CAMK2D: variants seen among roughly 807,000 people sequenced by gnomAD.
The protein encoded by CAMK2D is calcium/calmodulin-dependent protein kinase type II subunit delta.
CAMK2D carries 37 observed loss-of-function variants against 84.0 expected under a neutral mutation model. That is an observed-to-expected ratio of 0.44 (90% CI 0.34 to 0.58). CAMK2D has a LOEUF of 0.58. Ranked by LOEUF, CAMK2D falls within the 20% of genes least tolerant of loss-of-function variation. The pLI is 0.02. For missense variants in CAMK2D, 448 were observed against 652.5 expected (o/e 0.69, Z 3.41); for synonymous variants, 202 against 212.5 (o/e 0.95, Z 0.43).
chr4:113,539,815 T>C (rs1481205453), intron 6 of CAMK2D, among the ~76,000 whole-genome samples: 1 of 152,142 alleles, frequency 6.6e-6, no homozygotes, highest in African/African-American at 2.4e-5. Context: ...TATGTATATC[T>C]TTAGGCAAAC....
At chr4:113,463,343 A>G (rs1421070087) in intron 17 of CAMK2D, among the ~76,000 whole-genome samples, 1 of 152,108 alleles carries the variant, frequency 6.6e-6, no homozygotes, top group Non-Finnish European at 1.5e-5. Context: ...CTAATTTGGC[A>G]TGTTTCATTC....
At chr4:113,623,528 C>A (rs146772054) in intron 3 of CAMK2D, among the ~76,000 whole-genome samples, 9 of 152,184 alleles carry the variant, frequency 5.9e-5, no homozygotes, top group East Asian at 1.9e-4. Context: ...GATGGTATAG[C>A]CTACTACACA....
Position 113,566,998 on chromosome 4 carries a change from C to T in CAMK2D, c.276-14902G>A, listed in dbSNP as rs543826853. ...ATTCCAGGACTTGGCAGAGTATATG[C>T]ATATAGCAGGCATGCAATAAACGTC... On this transcript the variant is annotated intron_variant, in intron 4 of 20. Coordinates refer to ENST00000511664, the MANE Select transcript of CAMK2D (RefSeq NM_001321571.2). 7.2e-5 allele frequency among the ~76,000 whole-genome samples: 11 copies of T among 152,028 alleles called. 1 individual carries two copies. The East Asian group carries it at 1.9e-3, about 27-fold the overall frequency.
At chr4:113,565,175 A>G (rs2098716467) in intron 4 of CAMK2D, among the ~76,000 whole-genome samples, 1 of 152,182 alleles carries the variant, frequency 6.6e-6, no homozygotes, top group South Asian at 2.1e-4. Flanking sequence ...CCAGCACCAC[A>G]GTGTATTGGT....
At chr4:113,502,828 T>C (rs2098073762) in intron 15 of CAMK2D, 108 bp downstream of exon 15, 1 of 777,444 alleles carries the variant, frequency 1.3e-6, no homozygotes, top group African/African-American at 1.7e-5. Context: ...TGGTAGAAAA[T>C]GGTTAGAATT....
rs146084256 is a variant in CAMK2D at position 113,505,984 on chromosome 4, TCAAA to T, written c.985-953_985-950del. 1.4e-4 allele frequency among the ~76,000 whole-genome samples: 21 copies of T among 152,290 alleles called. No individual in the cohort carries two copies. In the East Asian group the frequency reaches 3.5e-3, roughly 25 times the overall value. On this transcript the variant is annotated intron_variant, in intron 13 of 20. Transcript: ENST00000511664. Reference sequence around the variant, plus strand: ...TGCATGACAACTTACATTACGGTTCTCAAACAAAAATGTAAGGTAACGTTCATTT... The same window carrying T: ...TGCATGACAACTTACATTACGGTTCTCAAAAATGTAAGGTAACGTTCATTT...
chr4:113,602,201 G>A (rs1027455274), intron 4 of CAMK2D, among the ~76,000 whole-genome samples: 2 of 151,600 alleles, frequency 1.3e-5, no homozygotes, highest in Non-Finnish European at 2.9e-5. Context: ...GAACAATATC[G>A]TGGCAAACGT....
At chr4:113,594,551 T>C (rs1019232720) in intron 4 of CAMK2D, among the ~76,000 whole-genome samples, 5 of 152,226 alleles carry the variant, frequency 3.3e-5, no homozygotes, top group Non-Finnish European at 7.3e-5. Context: ...AGGTGGATGA[T>C]GTAAACAGAG....
Position 113,452,628 on chromosome 4 carries a change from ACAC to A in CAMK2D, c.*1914_*1916del. 1 of 152,564 alleles carries A rather than the reference ACAC, an allele frequency of 6.6e-6. No homozygotes were observed. Among genetic ancestry groups the A allele is most frequent in the East Asian group, 1.9e-4 (1 of 5,190 alleles). 9.5% of individuals were successfully genotyped at this position (152,564 alleles called of 1,614,324 possible). Reference sequence around the variant, plus strand: ...AAACTTGATCTACAGTAATACTTCAACACCACATGCTAAGTTAAAAGTGTAAAA... The same window carrying A: ...AAACTTGATCTACAGTAATACTTCAACACATGCTAAGTTAAAAGTGTAAAA... On this transcript the variant is annotated 3_prime_UTR_variant, in exon 21 of 21. Coordinates refer to ENST00000511664, the MANE Select transcript of CAMK2D (RefSeq NM_001321571.2).
chr4:113,570,502 T>C (rs569665104), intron 4 of CAMK2D, among the ~76,000 whole-genome samples: 2 of 152,282 alleles, frequency 1.3e-5, no homozygotes, highest in East Asian at 3.9e-4. Context: ...CATACATTTA[T>C]GGTCAACTAA....
intron 3 of CAMK2D, among the ~76,000 whole-genome samples, chr4:113,635,578 AG>A (rs2099106943): frequency 6.6e-6 from 1 of 152,216 alleles, no homozygotes; most frequent in Non-Finnish European, 1.5e-5. Context: ...TGTACTTGAA[AG>A]CTGGTACTTT....
intron 18 of CAMK2D, among the ~76,000 whole-genome samples, chr4:113,457,837 T>G (rs796929179): frequency 2.6e-5 from 4 of 152,142 alleles, no homozygotes; most frequent in South Asian, 2.1e-4. Flanking sequence ...GCTGGAGAGA[T>G]ATATTTATTT....
rs144065310 is a variant in CAMK2D, at chr4:113,685,388, C to T, written c.161-23616G>A. ...CCAAGTAGCTGGAACTATAGGCGTG[C>T]GCCACAACACTTGGTAATTTTCATA... On this transcript the variant is annotated intron_variant, in intron 2 of 20. Coordinates refer to ENST00000511664, the MANE Select transcript of CAMK2D (RefSeq NM_001321571.2). Among the ~76,000 whole-genome samples the T allele has an allele frequency of 5.8e-3, 875 of 151,926 alleles. 8 individuals carry two copies. Among genetic ancestry groups the T allele is most frequent in the African/African-American group, 0.02 (824 of 41,436 alleles).
At chr4:113,620,359 A>G (rs1219394090) in intron 3 of CAMK2D, among the ~76,000 whole-genome samples, 1 of 152,180 alleles carries the variant, frequency 6.6e-6, no homozygotes, top group Non-Finnish European at 1.5e-5. Context: ...ATATTATGAT[A>G]CTAGACTTAT....
chr4:113,751,718 C>T (rs2099617768), intron 2 of CAMK2D, among the ~76,000 whole-genome samples: 2 of 151,782 alleles, frequency 1.3e-5, no homozygotes, highest in South Asian at 2.1e-4. Context: ...TGCAGTGAGC[C>T]GAGATAGCAC....
At chr4:113,745,546 G>C (rs984932192) in intron 2 of CAMK2D, among the ~76,000 whole-genome samples, 1 of 151,972 alleles carries the variant, frequency 6.6e-6, no homozygotes, top group Non-Finnish European at 1.5e-5. Flanking sequence ...GCTTACTTTC[G>C]ACAGGCATAA....
At chr4:113,499,246 G>C (rs558618622) in intron 16 of CAMK2D, among the ~76,000 whole-genome samples, 3 of 152,154 alleles carry the variant, frequency 2.0e-5, no homozygotes, top group African/African-American at 7.2e-5. Flanking sequence ...AGTGCAAAGA[G>C]TGAGATGAAT....
chr4:113,698,798 A>G (rs542542160), intron 2 of CAMK2D, among the ~76,000 whole-genome samples: 1 of 152,260 alleles, frequency 6.6e-6, no homozygotes, highest in African/African-American at 2.4e-5. Context: ...TCCAATTTAC[A>G]TAAATTAAAA....
chr4:113,676,732 A>G (rs961085693), intron 2 of CAMK2D, among the ~76,000 whole-genome samples: 3 of 152,186 alleles, frequency 2.0e-5, no homozygotes, highest in African/African-American at 7.2e-5. Flanking sequence ...ATCATCAAGG[A>G]TGGAAATTTG....
Sources: allele counts gnomAD v4.1 joint callset (sites outside exome capture counted in the v4.1 genomes callset), GRCh38; gene constraint gnomAD v4.1.1; transcripts MANE v1.5; gene names NCBI Gene and HGNC (gene_info 2026-07-23, HGNC 2026-07-21).